TRAP1: variants seen among roughly 807,000 people sequenced by gnomAD.
TRAP1 encodes TNF receptor associated protein 1.
Under a neutral mutation model 89.1 loss-of-function variants are expected in TRAP1, and 102 were observed. The observed-to-expected ratio is 1.15, with a 90% CI of 0.98 to 1.35. The LOEUF (loss-of-function observed/expected upper bound fraction) is 1.35, where lower values mean the gene tolerates loss of function less well. TRAP1 is among the 40% of genes most tolerant of loss of function. The pLI, the probability that TRAP1 is intolerant of heterozygous loss-of-function variation, is 0.00. For missense variants in TRAP1, 1,256 were observed against 945.3 expected, an observed-to-expected ratio of 1.33 and a Z score of -4.31; for synonymous variants, 508 against 388.0, an observed-to-expected ratio of 1.31 and a Z score of -3.64.
At chr16:3,693,916 C>G (rs111812785) in intron 1 of TRAP1, among the ~76,000 whole-genome samples, 6,282 of 151,726 alleles carry the variant, frequency 0.041, 421 homozygotes, top group African/African-American at 0.14. Context: ...TCACTTGAGC[C>G]CAGGATGTTG....
intron 4 of TRAP1, 109 bp downstream of exon 4, chr16:3,685,887 T>G: frequency 7.6e-7 from 1 of 1,322,540 alleles, no homozygotes; most frequent in Non-Finnish European, 1.0e-6. Flanking sequence ...GTTATCCTGG[T>G]GGTACGGACG....
intron 13 of TRAP1, 119 bp from the exon 14 acceptor site, chr16:3,663,681 G>A (rs761514150): frequency 1.5e-6 from 2 of 1,309,128 alleles, no homozygotes; most frequent in African/African-American, 1.5e-5. Context: ...GGAACACCGG[G>A]GCAGTTGGGG....
Position 3,689,121 on chromosome 16 carries a change from A to G in TRAP1, c.264T>C (p.His88=), listed in dbSNP as rs2051177392. The G allele has an allele frequency of 1.2e-6, 2 of 1,613,740 alleles. No homozygotes were observed. ...TESVQGSTSK[H]EFQAETKKLL... is the part of the protein sequence containing the mutation. ...GCTTCTTTGTCTCGGCCTGGAACTC[A>G]TGTTTGGAAGTGGAACCTAGTAATG... The change falls in exon 3 of 18, where the codon CAT becomes CAC. Residue 88 remains histidine, a synonymous_variant. Coordinates refer to ENST00000246957, the MANE Select transcript of TRAP1 (RefSeq NM_016292.3).
At chr16:3,712,150 A>G (rs901644900) in intron 1 of TRAP1, among the ~76,000 whole-genome samples, 1 of 151,888 alleles carries the variant, frequency 6.6e-6, no homozygotes, top group Admixed American at 6.6e-5. Context: ...TTGGCTGGCC[A>G]TGGTGGCATG....
In TRAP1 at chr16:3,697,057, C is replaced by T. The variant is rs913803274; in HGVS notation, c.89-6072G>A. On this transcript the variant is annotated intron_variant, in intron 1 of 17. Transcript: ENST00000246957. Reference sequence around the variant, plus strand: ...TATGTATTTGAAGCAGTGGTAGATACTGCCAAGTCACACTCCACAGAGATC... The same window carrying T: ...TATGTATTTGAAGCAGTGGTAGATATTGCCAAGTCACACTCCACAGAGATC... 2.0e-5 allele frequency among the ~76,000 whole-genome samples: 3 copies of T among 152,272 alleles called. No individual in the cohort carries two copies. The East Asian group carries it at 5.8e-4, about 29-fold the overall frequency.
At chr16:3,709,811 C>T (rs142875430) in intron 1 of TRAP1, among the ~76,000 whole-genome samples, 1,676 of 152,228 alleles carry the variant, frequency 0.011, 31 homozygotes, top group African/African-American at 0.038. Context: ...CCACCACGCC[C>T]GGCTAGTTTT....
At chr16:3,697,789 A>ATT in intron 1 of TRAP1, among the ~76,000 whole-genome samples, 1 of 144,284 alleles carries the variant, frequency 6.9e-6, no homozygotes, top group Admixed American at 7.0e-5. Context: ...AATATGCAGA[A>ATT]TTTTTTTTTT....
At chr16:3,670,066 G>A (rs1182472251) in intron 11 of TRAP1, among the ~76,000 whole-genome samples, 3 of 151,760 alleles carry the variant, frequency 2.0e-5, no homozygotes, top group Admixed American at 1.3e-4. Flanking sequence ...AACAGTATAA[G>A]CAATATGAAT....
At chr16:3,706,985 C>A (rs1428382183) in intron 1 of TRAP1, among the ~76,000 whole-genome samples, 1 of 152,042 alleles carries the variant, frequency 6.6e-6, no homozygotes, top group East Asian at 1.9e-4. Context: ...TACATTCTCA[C>A]CAGCAGTGTG....
At chr16:3,685,261 G>A (rs528907496) in intron 4 of TRAP1, among the ~76,000 whole-genome samples, 12 of 152,134 alleles carry the variant, frequency 7.9e-5, no homozygotes, top group Non-Finnish European at 1.3e-4. Context: ...CGTACCACGG[G>A]GCTCAGTCTG....
chr16:3,668,188 C>G (rs1039183754), intron 11 of TRAP1, among the ~76,000 whole-genome samples: 1 of 152,016 alleles, frequency 6.6e-6, no homozygotes, highest in African/African-American at 2.4e-5. Flanking sequence ...TCCCAAAGTG[C>G]TGGGATTACA....
In TRAP1 at chr16:3,702,472, G is replaced by C. The variant is rs942804029; in HGVS notation, c.89-11487C>G. 2.5e-4 allele frequency among the ~76,000 whole-genome samples: 38 copies of C among 151,908 alleles called. 2 individuals carry two copies. Among genetic ancestry groups the C allele is most frequent in the African/African-American group, 9.2e-4 (38 of 41,172 alleles). On this transcript the variant is annotated intron_variant, in intron 1 of 17. Transcript: ENST00000246957. ...ATTTTAAAGAATAAGGCCTAGGGCA[G>C]TGGCTCACACCTGTAATCCCAGCAC...
chr16:3,699,610 CA>C (rs1307168386), intron 1 of TRAP1, among the ~76,000 whole-genome samples: 4 of 97,490 alleles, frequency 4.1e-5, no homozygotes, highest in Non-Finnish European at 1.9e-5. Flanking sequence ...GCCTGGGTGA[CA>C]AGAGTGAAAC....
chr16:3,679,760 G>A lies in TRAP1; in HGVS notation c.502C>T (p.Leu168=). 6.2e-7 allele frequency: 1 copy of A among 1,614,108 alleles called. No individual in the cohort carries two copies. Among genetic ancestry groups the A allele is most frequent in the East Asian group, 2.2e-5 (1 of 44,886 alleles). The change falls in exon 5 of 18, where the codon CTG becomes TTG. Residue 168 remains leucine, a synonymous_variant. Transcript: ENST00000246957. The part of the protein sequence containing the change: ...DTGIGMTQEE[L]VSNLGTIARS... ...GCAATCGTCCCCAGGTTGGACACCAGCTCTTCCTGTGTCATCCCGATACCA... is the reference window on the plus strand; with the variant it reads ...GCAATCGTCCCCAGGTTGGACACCAACTCTTCCTGTGTCATCCCGATACCA...
intron 13 of TRAP1, chr16:3,663,815 T>C: frequency 4.0e-6 from 2 of 498,962 alleles, no homozygotes; most frequent in Non-Finnish European, 7.2e-6. Flanking sequence ...GGCTCACGCC[T>C]GTAATCCCAG....
chr16:3,693,646 GT>G (rs1343670509), intron 1 of TRAP1, among the ~76,000 whole-genome samples: 3 of 152,104 alleles, frequency 2.0e-5, no homozygotes, highest in Admixed American at 6.6e-5. Flanking sequence ...TGTGTATTTT[GT>G]TTCCTAGGAC....
chr16:3,708,418 C>G (rs2051480508), intron 1 of TRAP1, among the ~76,000 whole-genome samples: 1 of 152,002 alleles, frequency 6.6e-6, no homozygotes, highest in African/African-American at 2.4e-5. Flanking sequence ...GCGGATGGAT[C>G]ATGAGGTCAG....
At position 3,674,502 on chromosome 16, in the gene TRAP1, C is replaced by A; in HGVS notation, c.889-8G>T. 1 of 1,613,400 alleles carries A rather than the reference C, an allele frequency of 6.2e-7. No homozygotes were observed. On this transcript the variant is annotated splice_polypyrimidine_tract_variant and splice_region_variant and intron_variant, in intron 8 of 17. Coordinates refer to ENST00000246957, the MANE Select transcript of TRAP1 (RefSeq NM_016292.3). ...GTCCATCATCCAGATGGCCTGGAAA[C>A]GGAGATCGGCGGGGAGGGCGTCGTG... is the stretch of plus-strand genomic sequence containing the variant.
chr16:3,705,072 T>C (rs1030775857), intron 1 of TRAP1, among the ~76,000 whole-genome samples: 1 of 145,450 alleles, frequency 6.9e-6, no homozygotes, highest in African/African-American at 2.6e-5. Flanking sequence ...CCACAGAACA[T>C]TTTTTTTTTT....
Sources: gnomAD v4.1 joint callset for allele counts (sites outside exome capture counted in the v4.1 genomes callset) on GRCh38, gnomAD v4.1.1 for gene constraint, MANE v1.5 for transcripts, NCBI Gene and HGNC (gene_info 2026-07-23, HGNC 2026-07-21) for gene names.